The following EML5 variants were observed in gnomAD, a reference collection of about 807,000 sequenced individuals.
EML5 encodes EMAP like 5, also known as echinoderm microtubule-associated protein-like 5.
Under a neutral mutation model 250.0 loss-of-function variants are expected in EML5, and 120 were observed. The observed-to-expected ratio is 0.48, with a 90% CI of 0.41 to 0.56. The LOEUF (loss-of-function observed/expected upper bound fraction) is 0.56, where lower values mean the gene tolerates loss of function less well. Among genes scored for constraint, EML5 ranks in the 20% least tolerant of loss-of-function variants. The pLI is 0.00. For synonymous variants in EML5, 771 were observed against 806.5 expected, an observed-to-expected ratio of 0.96 and a Z score of 0.75; for missense variants, 2,006 against 2,437.6, an observed-to-expected ratio of 0.82 and a Z score of 3.73.
intron 2 of EML5, among the ~76,000 whole-genome samples, chr14:88,747,923 G>A (rs925992562): frequency 6.8e-6 from 1 of 146,344 alleles, no homozygotes; most frequent in African/African-American, 2.5e-5. Flanking sequence ...AAACTGTACA[G>A]AATACATGAA....
At position 88,613,788 on chromosome 14, in the gene EML5, T is replaced by C. The variant is rs2087181284; in HGVS notation, c.*2030A>G. The C allele has an allele frequency of 6.6e-6, 1 of 152,130 alleles. No homozygotes were observed. The highest frequency in any genetic ancestry group is 6.6e-5 in the Admixed American group (1 of 15,264). 9.4% of individuals were successfully genotyped at this position (152,130 alleles called of 1,614,324 possible). A position where few individuals can be genotyped will look rare whatever the true frequency, so the allele number is the denominator to read the frequency against. On this transcript the variant is annotated 3_prime_UTR_variant, in exon 44 of 44. Transcript: ENST00000554922. ...GTGCCAGAAGTCCCAGGTTACACAA[T>C]CAGGAGCTTAGATACTGCACACAAA...
intron 2 of EML5, among the ~76,000 whole-genome samples, chr14:88,747,292 AT>A (rs1484850047): frequency 1.3e-5 from 2 of 151,980 alleles, no homozygotes; most frequent in Admixed American, 1.3e-4. Context: ...CACGCCTGTA[AT>A]TCCATCTACT....
At chr14:88,638,548 G>A (rs902276108) in intron 32 of EML5, among the ~76,000 whole-genome samples, 1 of 152,152 alleles carries the variant, frequency 6.6e-6, no homozygotes, top group African/African-American at 2.4e-5. Context: ...TCCTGCTAAA[G>A]GACTAAATCC....
At chr14:88,629,090 T>C (rs1260713376) in intron 33 of EML5, among the ~76,000 whole-genome samples, 1 of 152,022 alleles carries the variant, frequency 6.6e-6, no homozygotes, top group Non-Finnish European at 1.5e-5. Context: ...AAATTTAAAA[T>C]GTAAATATAT....
At chr14:88,635,086 C>T (rs2090647051) in intron 32 of EML5, among the ~76,000 whole-genome samples, 1 of 152,182 alleles carries the variant, frequency 6.6e-6, no homozygotes, top group Admixed American at 6.5e-5. Flanking sequence ...TGTGAAAGCT[C>T]ATGCTCATTA....
chr14:88,662,093 T>C (rs1595421615), intron 24 of EML5, among the ~76,000 whole-genome samples: 1 of 152,082 alleles, frequency 6.6e-6, no homozygotes, highest in African/African-American at 2.4e-5. Context: ...ACAGTGTTAA[T>C]AATAAAACCG....
At chr14:88,651,720 ATT>A (rs1176056744) in intron 27 of EML5, among the ~76,000 whole-genome samples, 1 of 151,590 alleles carries the variant, frequency 6.6e-6, no homozygotes, top group Non-Finnish European at 1.5e-5. Flanking sequence ...ATAATATTAT[ATT>A]TTCATATTTA....
Position 88,627,770 on chromosome 14 carries a change from T to C in EML5, c.4407A>G (p.Leu1469=). 6.2e-7 allele frequency: 1 copy of C among 1,610,198 alleles called. No individual in the cohort carries two copies. Among genetic ancestry groups the C allele is most frequent in the Non-Finnish European group, 8.5e-7 (1 of 1,178,252 alleles). The change falls in exon 34 of 44, where the codon TTA becomes TTG. Residue 1469 remains leucine (L), a synonymous_variant. Transcript: ENST00000554922. ...HIWDAMNKQT[L]SILRCYHSKG... ...TTGAATGGTAGCATCTTAGGATAGA[T>C]AAAGTCTGCTTGTTCATTGCATCCC...
chr14:88,769,054 C>CATAAAGCACAGAAATACATTCAAT (rs1416419165), intron 1 of EML5, among the ~76,000 whole-genome samples: 1 of 152,158 alleles, frequency 6.6e-6, no homozygotes, highest in Non-Finnish European at 1.5e-5. Flanking sequence ...GGTCTGATTG[C>CATAAAGCACAGAAATACATTCAAT]ATAAAGCACA....
chr14:88,638,707 A>C (rs1306447002), intron 32 of EML5, 102 bp downstream of exon 32: 1 of 1,000,052 alleles, frequency 1.0e-6, no homozygotes, highest in African/African-American at 1.6e-5. Flanking sequence ...GATTTTGAAC[A>C]ATCGATAAAT....
rs564909205 is a variant in EML5, at chr14:88,718,680, T to C, written c.1188-3485A>G. 2.0e-5 allele frequency among the ~76,000 whole-genome samples: 3 copies of C among 152,164 alleles called. 1 individual carries two copies. The highest frequency in any genetic ancestry group is 7.2e-5 in the African/African-American group (3 of 41,520). ...AGGAATGAGGATAGAGGTTGATAAT[T>C]AGAAGAAAAGAGAGAATAAAGTTAG... On this transcript the variant is annotated intron_variant, in intron 8 of 43. Coordinates refer to ENST00000554922, the MANE Select transcript of EML5 (RefSeq NM_183387.3).
In EML5 at chr14:88,694,367, A is replaced by G; in HGVS notation, c.2479T>C (p.Tyr827His). The change falls in exon 17 of 44, where the codon TAT (tyrosine) becomes CAT (histidine). Residue 827 changes from tyrosine (Y) to histidine (H), a missense_variant. Transcript: ENST00000554922. ...DKIFVVKMNP[Y>H]VPDKLITAGI... ...GCTGTAATTAGTTTATCAGGCACAT[A>G]GGGGTTCATCTTTACAACAAAAATC... is the stretch of plus-strand genomic sequence containing the variant. The G allele has an allele frequency of 5.0e-6, 8 of 1,594,706 alleles. No individual in the cohort carries two copies. Among genetic ancestry groups the G allele is most frequent in the Non-Finnish European group, 6.8e-6 (8 of 1,170,022 alleles).
intron 8 of EML5, among the ~76,000 whole-genome samples, chr14:88,724,037 G>A (rs1054025360): frequency 8.6e-5 from 13 of 151,754 alleles, no homozygotes; most frequent in Admixed American, 2.0e-4. Context: ...CTGGGAGGCC[G>A]AGGCGGGCAG....
Position 88,613,256 on chromosome 14 carries a change from A to G in EML5, c.*2562T>C, listed in dbSNP as rs1460428247. 1 of 152,194 alleles carries G rather than the reference A, an allele frequency of 6.6e-6. No homozygotes were observed. Among genetic ancestry groups the G allele is most frequent in the African/African-American group, 2.4e-5 (1 of 41,452 alleles). 9.4% of individuals were successfully genotyped at this position (152,194 alleles called of 1,614,324 possible). On this transcript the variant is annotated 3_prime_UTR_variant, in exon 44 of 44. Coordinates refer to ENST00000554922, the MANE Select transcript of EML5 (RefSeq NM_183387.3). ...GGCTGTTGTCTTCGGCTTGGGTGAAATGACAGTTCCTCTTCATTCTAAAGG... is the reference window on the plus strand; with the variant it reads ...GGCTGTTGTCTTCGGCTTGGGTGAAGTGACAGTTCCTCTTCATTCTAAAGG...
rs189821037 is a variant in EML5, at chr14:88,737,811, C to A, written c.847+1068G>T. Among the ~76,000 whole-genome samples, 164 of 152,248 alleles carry A rather than the reference C, an allele frequency of 1.1e-3. 1 individual carries two copies. Among genetic ancestry groups the A allele is most frequent in the Middle Eastern group, 3.4e-3 (1 of 292 alleles). The stretch of plus-strand genomic sequence containing the variant: ...ACTCTAGCCATGTCTACTTGCTCAG[C>A]CAGTCTTATAACACTTCAGTCTGCA... On this transcript the variant is annotated intron_variant, in intron 6 of 43. Coordinates refer to ENST00000554922, the MANE Select transcript of EML5 (RefSeq NM_183387.3).
intron 1 of EML5, among the ~76,000 whole-genome samples, chr14:88,766,843 C>T (rs969954854): frequency 3.3e-5 from 5 of 152,112 alleles, no homozygotes; most frequent in Non-Finnish European, 5.9e-5. Flanking sequence ...GTACTCTTTC[C>T]CTTTATTTCT....
chr14:88,690,418 A>G (rs1373376020), intron 17 of EML5, among the ~76,000 whole-genome samples: 1 of 152,238 alleles, frequency 6.6e-6, no homozygotes, highest in African/African-American at 2.4e-5. Context: ...GACCAAAGTG[A>G]TATCATAGAA....
At chr14:88,774,067 G>A (rs959423202) in intron 1 of EML5, among the ~76,000 whole-genome samples, 18 of 152,124 alleles carry the variant, frequency 1.2e-4, no homozygotes, top group African/African-American at 4.1e-4. Flanking sequence ...GCAGAGAGCC[G>A]AGTTCATGCC....
chr14:88,681,442 C>T (rs1189161370), intron 21 of EML5, among the ~76,000 whole-genome samples: 2 of 152,214 alleles, frequency 1.3e-5, no homozygotes, highest in Non-Finnish European at 2.9e-5. Context: ...AACCCTGTCT[C>T]TCTACCCTGA....
Sources: allele counts gnomAD v4.1 joint callset (sites outside exome capture counted in the v4.1 genomes callset), GRCh38; gene constraint gnomAD v4.1.1; transcripts MANE v1.5; gene names NCBI Gene and HGNC (gene_info 2026-07-23, HGNC 2026-07-21).